RIPOR2: variants seen among roughly 807,000 people sequenced by gnomAD.
RIPOR2 encodes the protein rho family-interacting cell polarization regulator 2.
A neutral mutation model predicts 114.5 loss-of-function variants in RIPOR2; 39 were observed. The observed-to-expected ratio is 0.34, with a 90% confidence interval of 0.26 to 0.44. RIPOR2 has a LOEUF of 0.44. RIPOR2 is among the 20% of genes least tolerant of loss of function. The pLI is 1.00. For missense variants in RIPOR2, 1,007 were observed against 1,255.1 expected, an observed-to-expected ratio of 0.80 and a Z score of 2.99; for synonymous variants, 445 against 484.4, an observed-to-expected ratio of 0.92 and a Z score of 1.07.
intron 1 of RIPOR2, among the ~76,000 whole-genome samples, chr6:24,960,415 C>G (rs577133964): frequency 6.6e-6 from 1 of 152,346 alleles, no homozygotes; most frequent in East Asian, 1.9e-4. Context: ...GCACTAGTCT[C>G]ATCCATGAGT....
intron 1 of RIPOR2, among the ~76,000 whole-genome samples, chr6:24,988,239 G>A (rs1242615746): frequency 6.6e-6 from 1 of 151,892 alleles, no homozygotes; most frequent in Non-Finnish European, 1.5e-5. Context: ...ACCCAGGCTG[G>A]AGTGCAGTGG....
At chr6:24,999,864 T>C (rs1412781531) in intron 1 of RIPOR2, among the ~76,000 whole-genome samples, 1 of 152,124 alleles carries the variant, frequency 6.6e-6, no homozygotes, top group African/African-American at 2.4e-5. Context: ...CCCTGACTCA[T>C]CCTTGAATTC....
chr6:25,012,742 G>A (rs972923930), intron 1 of RIPOR2, among the ~76,000 whole-genome samples: 4 of 152,192 alleles, frequency 2.6e-5, no homozygotes, highest in Non-Finnish European at 5.9e-5. Context: ...AGATTGGAAT[G>A]AGGAGTGCCT....
At chr6:24,879,871 C>G (rs1276114440) in intron 1 of RIPOR2, among the ~76,000 whole-genome samples, 6 of 152,188 alleles carry the variant, frequency 3.9e-5, no homozygotes, top group Non-Finnish European at 7.3e-5. Flanking sequence ...TCCCAAAGAC[C>G]TGGTCTGTCC....
At chr6:24,982,488 G>T (rs1340397951) in intron 1 of RIPOR2, among the ~76,000 whole-genome samples, 1 of 152,124 alleles carries the variant, frequency 6.6e-6, no homozygotes, top group Non-Finnish European at 1.5e-5. Flanking sequence ...GTTTCATTTT[G>T]CTAATTACAT....
chr6:25,002,004 A>G (rs1471196592), intron 1 of RIPOR2, among the ~76,000 whole-genome samples: 1 of 151,764 alleles, frequency 6.6e-6, no homozygotes, highest in Non-Finnish European at 1.5e-5. Context: ...CACTGCGCCC[A>G]GCCTGTGGGC....
At chr6:24,894,615 C>G (rs1767675937) in intron 1 of RIPOR2, among the ~76,000 whole-genome samples, 1 of 152,228 alleles carries the variant, frequency 6.6e-6, no homozygotes. Flanking sequence ...CAATTCAGTG[C>G]TCACATGGTT....
At chr6:24,863,318 T>C (rs1764268671) in intron 7 of RIPOR2, among the ~76,000 whole-genome samples, 1 of 152,184 alleles carries the variant, frequency 6.6e-6, no homozygotes, top group Admixed American at 6.5e-5. Flanking sequence ...GACTTCTTTC[T>C]TCTCTAAGGC....
At chr6:25,014,262 A>G (rs1389424231) in intron 1 of RIPOR2, among the ~76,000 whole-genome samples, 2 of 152,212 alleles carry the variant, frequency 1.3e-5, no homozygotes, top group East Asian at 1.9e-4. Context: ...ATCCTAATGT[A>G]GTTAATTTTC....
At chr6:25,023,648 T>C (rs1776441249) in intron 1 of RIPOR2, 40 of 762,916 alleles carry the variant, frequency 5.2e-5, no homozygotes, top group South Asian at 5.0e-4. Flanking sequence ...TGGGGTCTCA[T>C]AGATACCTCG....
chr6:24,985,922 A>G (rs1774510222), intron 1 of RIPOR2, among the ~76,000 whole-genome samples: 2 of 152,220 alleles, frequency 1.3e-5, no homozygotes, highest in South Asian at 4.1e-4. Flanking sequence ...TACTGAAAAC[A>G]GGGTGAAATA....
intron 1 of RIPOR2, among the ~76,000 whole-genome samples, chr6:25,006,322 A>G (rs1775561740): frequency 6.6e-6 from 1 of 152,246 alleles, no homozygotes; most frequent in Non-Finnish European, 1.5e-5. Flanking sequence ...TAGAGTTAAA[A>G]CAATGCACAA....
At chr6:24,873,065 G>T (rs545277467) in intron 3 of RIPOR2, 106 bp from the exon 4 acceptor site, 4 of 751,592 alleles carry the variant, frequency 5.3e-6, no homozygotes, top group Admixed American at 4.4e-5. Flanking sequence ...ATTGAACCTT[G>T]CTCTGTAGTT....
At chr6:24,915,612 C>T (rs1770014336) in intron 1 of RIPOR2, among the ~76,000 whole-genome samples, 1 of 152,186 alleles carries the variant, frequency 6.6e-6, no homozygotes, top group African/African-American at 2.4e-5. Flanking sequence ...ATCCACCTGC[C>T]TCGGCCTCCC....
chr6:25,011,180 A>C (rs1775762640), intron 1 of RIPOR2, among the ~76,000 whole-genome samples: 1 of 152,208 alleles, frequency 6.6e-6, no homozygotes, highest in Non-Finnish European at 1.5e-5. Flanking sequence ...ATGCCAACAG[A>C]AATGGTGGTT....
intron 1 of RIPOR2, among the ~76,000 whole-genome samples, chr6:24,913,230 G>A (rs980986243): frequency 3.3e-5 from 5 of 152,044 alleles, no homozygotes; most frequent in Non-Finnish European, 7.4e-5. Context: ...GGCTCCCCAA[G>A]CTGCTGCCTT....
intron 1 of RIPOR2, among the ~76,000 whole-genome samples, chr6:24,956,451 G>T (rs1773048267): frequency 6.6e-6 from 1 of 152,244 alleles, no homozygotes; most frequent in South Asian, 2.1e-4. Flanking sequence ...TTACCTCTGA[G>T]ATATGATGAG....
At chr6:25,038,314 G>C (rs1317310998) in intron 1 of RIPOR2, among the ~76,000 whole-genome samples, 1 of 152,254 alleles carries the variant, frequency 6.6e-6, no homozygotes, top group African/African-American at 2.4e-5. Context: ...GTTCTGTATA[G>C]TTCTTGAACC....
At chr6:24,817,976 C>CTTTTTTTTTTTTTTTTTTTTTTT (rs758675486) in intron 20 of RIPOR2, among the ~76,000 whole-genome samples, 1 of 84,448 alleles carries the variant, frequency 1.2e-5, no homozygotes, top group Admixed American at 1.3e-4. Context: ...CTCTCTCTCT[C>CTTTTTTTTTTTTTTTTTTTTTTT]TCTTTTTTTT....
Sources: allele counts gnomAD v4.1 joint callset (sites outside exome capture counted in the v4.1 genomes callset), GRCh38; gene constraint gnomAD v4.1.1; transcripts MANE v1.5; gene names NCBI Gene and HGNC (gene_info 2026-07-23, HGNC 2026-07-21).